AFAP1: variants seen among roughly 807,000 people sequenced by gnomAD.
The protein encoded by AFAP1 is actin filament associated protein 1, also known as actin filament-associated protein 1.
Under a neutral mutation model 93.9 loss-of-function variants are expected in AFAP1, and 75 were observed. That is an observed-to-expected ratio of 0.80 (90% confidence interval 0.66 to 0.97). AFAP1 has a LOEUF of 0.97. Ranked by LOEUF, AFAP1 falls within the 50% of genes least tolerant of loss-of-function variation. The pLI is 0.00. For synonymous variants in AFAP1, 517 were observed against 430.7 expected, an observed-to-expected ratio of 1.20 and a Z score of -2.48; for missense variants, 1,201 against 1,050.8, an observed-to-expected ratio of 1.14 and a Z score of -1.98.
intron 1 of AFAP1, among the ~76,000 whole-genome samples, chr4:7,914,759 T>C (rs1352068883): frequency 6.6e-6 from 1 of 152,100 alleles, no homozygotes; most frequent in Non-Finnish European, 1.5e-5. Context: ...TCTTATTCTT[T>C]TTCTCTGAGA....
intron 16 of AFAP1, among the ~76,000 whole-genome samples, chr4:7,769,427 C>T (rs916705067): frequency 6.6e-6 from 1 of 152,248 alleles, no homozygotes; most frequent in Admixed American, 6.5e-5. Flanking sequence ...AGTGGCGGCA[C>T]TCACGGCAGC....
intron 3 of AFAP1, among the ~76,000 whole-genome samples, chr4:7,864,035 C>T (rs74384587): frequency 8.0e-6 from 1 of 124,756 alleles, no homozygotes; most frequent in African/African-American, 2.8e-5. Context: ...TCCCAACTTC[C>T]CATCACAACC....
chr4:7,845,628 G>A (rs948294727), intron 4 of AFAP1, among the ~76,000 whole-genome samples: 2 of 151,994 alleles, frequency 1.3e-5, no homozygotes, highest in African/African-American at 4.8e-5. Context: ...ACAGGTCTCT[G>A]CCCCGCTTCT....
intron 6 of AFAP1, among the ~76,000 whole-genome samples, chr4:7,821,940 T>C (rs80315362): frequency 0.03 from 4,533 of 152,316 alleles, 207 homozygotes; most frequent in African/African-American, 0.095. Context: ...CTCGCTGTCA[T>C]ATCTCCTCTT....
Position 7,846,706 on chromosome 4 carries a change from G to T in AFAP1, c.335-3356C>A, listed in dbSNP as rs944892263. Among the ~76,000 whole-genome samples the T allele has an allele frequency of 2.0e-5, 3 of 152,268 alleles. No individual in the cohort carries two copies. In the East Asian group the frequency reaches 5.8e-4, roughly 29 times the overall value. On this transcript the variant is annotated intron_variant, in intron 4 of 17. Coordinates refer to ENST00000420658, the MANE Select transcript of AFAP1 (RefSeq NM_001134647.2). ...TTTAAAAACTATCTATATTTACACA[G>T]CAGGTGCTAGGATAAAGCCATGAAA...
At chr4:7,909,453 C>G (rs1468270798) in intron 1 of AFAP1, among the ~76,000 whole-genome samples, 1 of 152,176 alleles carries the variant, frequency 6.6e-6, no homozygotes, top group African/African-American at 2.4e-5. Flanking sequence ...TCCTGCCAAT[C>G]AAACTAGACT....
At position 7,768,240 on chromosome 4, in the gene AFAP1, C is replaced by T. The variant is rs564275812; in HGVS notation, c.2418+604G>A. Among the ~76,000 whole-genome samples, 12 of 152,356 alleles carry T rather than the reference C, an allele frequency of 7.9e-5. 1 individual carries two copies. The South Asian group carries it at 2.5e-3, about 32-fold the overall frequency. On this transcript the variant is annotated intron_variant, in intron 17 of 17. Coordinates refer to ENST00000420658, the MANE Select transcript of AFAP1 (RefSeq NM_001134647.2). ...CACACACAGCACTTTCCGCTGCTGCCGCCAGGACCCGTTTGCTTTGATCAA... is the reference window on the plus strand; with the variant it reads ...CACACACAGCACTTTCCGCTGCTGCTGCCAGGACCCGTTTGCTTTGATCAA...
At chr4:7,796,533 A>C (rs1718433090) in intron 10 of AFAP1, among the ~76,000 whole-genome samples, 1 of 148,708 alleles carries the variant, frequency 6.7e-6, no homozygotes. Context: ...GCGGATCATG[A>C]GGTCAGGAGA....
chr4:7,766,905 C>T (rs1038527862), intron 17 of AFAP1, among the ~76,000 whole-genome samples: 6 of 152,280 alleles, frequency 3.9e-5, no homozygotes, highest in Admixed American at 1.3e-4. Context: ...TGCTCCTCAC[C>T]GAGAGTTGGA....
intron 17 of AFAP1, 35 bp downstream of exon 17, chr4:7,768,809 A>T: frequency 6.5e-7 from 1 of 1,528,252 alleles, no homozygotes; most frequent in South Asian, 1.3e-5. Context: ...GTGCCTGCCC[A>T]GGACACCCAG....
intron 1 of AFAP1, among the ~76,000 whole-genome samples, chr4:7,879,065 T>G (rs1028574236): frequency 2.6e-5 from 4 of 152,208 alleles, no homozygotes; most frequent in African/African-American, 9.6e-5. Flanking sequence ...AAATGAAATC[T>G]TTGAATTGGA....
chr4:7,887,290 C>A (rs967782652), intron 1 of AFAP1, among the ~76,000 whole-genome samples: 6 of 152,056 alleles, frequency 3.9e-5, no homozygotes, highest in African/African-American at 1.5e-4. Context: ...TAAGTCACTG[C>A]AAAATATTTG....
At chr4:7,862,319 T>G (rs1429414348) in intron 3 of AFAP1, 1 of 143,962 alleles carries the variant, frequency 6.9e-6, no homozygotes, top group African/African-American at 2.6e-5. Flanking sequence ...AGCAACAGAA[T>G]GAGACTCTGT....
intron 16 of AFAP1, among the ~76,000 whole-genome samples, chr4:7,769,668 T>C (rs931185009): frequency 4.6e-5 from 7 of 152,316 alleles, no homozygotes; most frequent in Non-Finnish European, 7.4e-5. Flanking sequence ...CGCCACAGTC[T>C]GCTGAGCCTT....
intron 1 of AFAP1, among the ~76,000 whole-genome samples, chr4:7,902,214 C>A (rs949590116): frequency 6.6e-6 from 1 of 152,180 alleles, no homozygotes; most frequent in Admixed American, 6.5e-5. Flanking sequence ...TCTCAGCGGG[C>A]TTCCCGGGTC....
chr4:7,763,704 C>T lies in AFAP1; in HGVS notation c.*61G>A, dbSNP rs542074825. 2.6e-5 allele frequency: 40 copies of T among 1,547,940 alleles called. No homozygotes were observed. In the South Asian group the frequency reaches 3.7e-4, roughly 14 times the overall value. On this transcript the variant is annotated 3_prime_UTR_variant, in exon 18 of 18. Transcript: ENST00000420658. Reference sequence around the variant, plus strand: ...CTGGGCAGAGCTTCCTGCCGTCACACAGATGAGGATACAGGCAAGGGGGTG... The same window carrying T: ...CTGGGCAGAGCTTCCTGCCGTCACATAGATGAGGATACAGGCAAGGGGGTG...
intron 10 of AFAP1, among the ~76,000 whole-genome samples, chr4:7,796,175 C>A (rs1718401331): frequency 6.6e-6 from 1 of 152,142 alleles, no homozygotes; most frequent in African/African-American, 2.4e-5. Context: ...CAGATCCTGG[C>A]TTCTCAACTC....
At chr4:7,793,659 T>A in intron 11 of AFAP1, 22 bp downstream of exon 11, 1 of 1,492,892 alleles carries the variant, frequency 6.7e-7, no homozygotes, top group Non-Finnish European at 9.1e-7. Context: ...GTGGTGCCAT[T>A]TCACATGGCA....
chr4:7,881,522 C>T (rs28454584), intron 1 of AFAP1, among the ~76,000 whole-genome samples: 2,671 of 152,320 alleles, frequency 0.018, 82 homozygotes, highest in African/African-American at 0.058. Flanking sequence ...GTGGCTCCCA[C>T]CTGTAATCCC....
Sources: gnomAD v4.1 joint callset for allele counts (sites outside exome capture counted in the v4.1 genomes callset) on GRCh38, gnomAD v4.1.1 for gene constraint, MANE v1.5 for transcripts, NCBI Gene and HGNC (gene_info 2026-07-23, HGNC 2026-07-21) for gene names.